Variants in ASIC2 observed in about 807,000 individuals in gnomAD.
The protein encoded by ASIC2 is acid sensing ion channel subunit 2.
Under a neutral mutation model 57.3 loss-of-function variants are expected in ASIC2, and 25 were observed. The ratio of observed to expected loss-of-function variants is 0.44; its 90% CI spans 0.32 to 0.61. The LOEUF is 0.61. ASIC2 is among the 20% of genes least tolerant of loss of function. ASIC2 has a pLI of 0.06. For missense variants in ASIC2, 641 were observed against 738.1 expected, an observed-to-expected ratio of 0.87 and a Z score of 1.52; for synonymous variants, 319 against 307.5, an observed-to-expected ratio of 1.04 and a Z score of -0.39.
At chr17:33,323,199 G>A (rs1364574231) in intron 1 of ASIC2, among the ~76,000 whole-genome samples, 1 of 152,170 alleles carries the variant, frequency 6.6e-6, no homozygotes, top group Non-Finnish European at 1.5e-5. Flanking sequence ...CAACGGAAGT[G>A]GATGCATATG....
intron 1 of ASIC2, among the ~76,000 whole-genome samples, chr17:33,492,471 G>A (rs897732281): frequency 2.6e-5 from 4 of 152,240 alleles, no homozygotes; most frequent in African/African-American, 9.6e-5. Flanking sequence ...CCTTTCTGGG[G>A]AAGGCTGTCC....
At chr17:34,124,234 G>A (rs759269020) in intron 1 of ASIC2, among the ~76,000 whole-genome samples, 1 of 152,138 alleles carries the variant, frequency 6.6e-6, no homozygotes, top group Non-Finnish European at 1.5e-5. Context: ...CACAGTGCCT[G>A]GCACCTTGTA....
At chr17:33,232,155 C>G (rs752677849) in intron 1 of ASIC2, among the ~76,000 whole-genome samples, 2 of 151,984 alleles carry the variant, frequency 1.3e-5, no homozygotes, top group African/African-American at 2.4e-5. Context: ...TCAGGTCATG[C>G]GGGTGGAACT....
chr17:33,150,618 G>A lies in ASIC2; in HGVS notation c.709-38551C>T, dbSNP rs557490918. On this transcript the variant is annotated intron_variant, in intron 1 of 9. Transcript: ENST00000225823. ...TAATCCCAGCACTTTGGGAGGCTGA[G>A]GGGGTGGATCACTTGAGGTCAGGAG... is the stretch of plus-strand genomic sequence containing the variant. Among the ~76,000 whole-genome samples, 21 of 151,090 alleles carry A rather than the reference G, an allele frequency of 1.4e-4. No individual in the cohort carries two copies. The South Asian group carries it at 2.3e-3, about 17-fold the overall frequency.
intron 1 of ASIC2, among the ~76,000 whole-genome samples, chr17:33,840,755 T>G (rs1913412130): frequency 6.6e-6 from 1 of 150,756 alleles, no homozygotes; most frequent in South Asian, 2.1e-4. Context: ...CATGGAATAT[T>G]AATTCAAATC....
chr17:33,594,667 A>T (rs866834433), intron 1 of ASIC2, among the ~76,000 whole-genome samples: 8 of 152,008 alleles, frequency 5.3e-5, no homozygotes, highest in African/African-American at 1.9e-4. Flanking sequence ...TCTCTACTAA[A>T]AATACAAAAA....
chr17:33,666,108 T>C (rs1325348927), intron 1 of ASIC2, among the ~76,000 whole-genome samples: 2 of 152,158 alleles, frequency 1.3e-5, no homozygotes, highest in Non-Finnish European at 2.9e-5. Context: ...ATTTGCCCAT[T>C]TTCCCCCCAC....
At chr17:33,406,374 G>T (rs544178491) in intron 1 of ASIC2, among the ~76,000 whole-genome samples, 1 of 152,158 alleles carries the variant, frequency 6.6e-6, no homozygotes, top group Non-Finnish European at 1.5e-5. Flanking sequence ...TGTGGACGGG[G>T]CATAAATTAT....
chr17:33,709,108 G>C (rs147007328), intron 1 of ASIC2, among the ~76,000 whole-genome samples: 10 of 152,210 alleles, frequency 6.6e-5, no homozygotes, highest in Non-Finnish European at 1.2e-4. Flanking sequence ...ATCTTTCTGG[G>C]TCTCCATGGA....
chr17:33,208,374 C>T (rs1907149102), intron 1 of ASIC2, among the ~76,000 whole-genome samples: 1 of 152,154 alleles, frequency 6.6e-6, no homozygotes, highest in Non-Finnish European at 1.5e-5. Flanking sequence ...TTACTCAGGG[C>T]TTGCCACCCT....
At chr17:33,579,522 G>T (rs1916813194) in intron 1 of ASIC2, among the ~76,000 whole-genome samples, 1 of 152,094 alleles carries the variant, frequency 6.6e-6, no homozygotes, top group African/African-American at 2.4e-5. Context: ...TCCTCCTGGT[G>T]GGTTCTCGGT....
At chr17:33,912,965 C>T (rs949655446) in intron 1 of ASIC2, among the ~76,000 whole-genome samples, 8 of 151,008 alleles carry the variant, frequency 5.3e-5, no homozygotes, top group Non-Finnish European at 7.4e-5. Flanking sequence ...GCAACAAGAG[C>T]GAAACTCTGT....
At chr17:33,578,968 G>A (rs545351101) in intron 1 of ASIC2, among the ~76,000 whole-genome samples, 1 of 152,240 alleles carries the variant, frequency 6.6e-6, no homozygotes, top group African/African-American at 2.4e-5. Flanking sequence ...TGGTCCTAGG[G>A]AGCACCTTGG....
chr17:33,541,643 T>G (rs1301744600), intron 1 of ASIC2, among the ~76,000 whole-genome samples: 1 of 152,140 alleles, frequency 6.6e-6, no homozygotes, highest in Non-Finnish European at 1.5e-5. Context: ...GCTTCCACTT[T>G]CTCAGGACTT....
At chr17:33,920,516 G>A (rs1294559828) in intron 1 of ASIC2, among the ~76,000 whole-genome samples, 1 of 152,052 alleles carries the variant, frequency 6.6e-6, no homozygotes, top group Non-Finnish European at 1.5e-5. Flanking sequence ...GGGTACATAT[G>A]GATACAAAGG....
intron 1 of ASIC2, among the ~76,000 whole-genome samples, chr17:33,206,498 A>G (rs1399172049): frequency 6.6e-6 from 1 of 152,220 alleles, no homozygotes; most frequent in Admixed American, 6.5e-5. Flanking sequence ...AGCCAAGCCC[A>G]AAGCCATGCC....
chr17:34,104,447 T>C (rs1910971405), intron 1 of ASIC2, among the ~76,000 whole-genome samples: 1 of 152,158 alleles, frequency 6.6e-6, no homozygotes, highest in Non-Finnish European at 1.5e-5. Context: ...TTTGAGTCTT[T>C]ATGCTTTTAG....
At position 33,065,904 on chromosome 17, in the gene ASIC2, C is replaced by T. The variant is rs550990971; in HGVS notation, c.987+22959G>A. 2.6e-5 allele frequency among the ~76,000 whole-genome samples: 4 copies of T among 152,214 alleles called. No homozygotes were observed. In the South Asian group the frequency reaches 6.2e-4, roughly 24 times the overall value. ...TCAATCCACTTTGACGGATGAGGCC[C>T]GAAAAGTCAAGGCCTTTGTATGAGA... is the stretch of plus-strand genomic sequence containing the variant. On this transcript the variant is annotated intron_variant, in intron 3 of 9. Transcript: ENST00000225823.
chr17:33,862,061 C>A (rs1914114956), intron 1 of ASIC2, among the ~76,000 whole-genome samples: 1 of 152,194 alleles, frequency 6.6e-6, no homozygotes, highest in Non-Finnish European at 1.5e-5. Flanking sequence ...CAGGTCACAC[C>A]TTTTACCAGT....
Sources: gnomAD v4.1 joint callset for allele counts (sites outside exome capture counted in the v4.1 genomes callset) on GRCh38, gnomAD v4.1.1 for gene constraint, MANE v1.5 for transcripts, NCBI Gene and HGNC (gene_info 2026-07-23, HGNC 2026-07-21) for gene names.